ROBO1: variants seen among roughly 807,000 people sequenced by gnomAD.
ROBO1 encodes the protein roundabout homolog 1.
In ROBO1, 149 loss-of-function variants were observed where a neutral mutation model predicts 195.9. The ratio of observed to expected loss-of-function variants is 0.76; its 90% CI spans 0.67 to 0.87. The LOEUF is 0.87. Among genes scored for constraint, ROBO1 ranks in the 40% least tolerant of loss-of-function variants. ROBO1 has a pLI of 0.00. For missense variants in ROBO1, 1,933 were observed against 2,068.3 expected, an observed-to-expected ratio of 0.93 and a Z score of 1.27; for synonymous variants, 816 against 733.2, an observed-to-expected ratio of 1.11 and a Z score of -1.82.
intron 2 of ROBO1, among the ~76,000 whole-genome samples, chr3:79,229,359 C>A (rs2082282521): frequency 1.3e-5 from 2 of 152,054 alleles, no homozygotes; most frequent in Non-Finnish European, 2.9e-5. Context: ...AAGGATAAAA[C>A]TGTACCAATT....
chr3:78,621,352 A>G (rs1704444596), intron 26 of ROBO1, among the ~76,000 whole-genome samples: 2 of 152,216 alleles, frequency 1.3e-5, no homozygotes, highest in South Asian at 4.1e-4. Context: ...TTTTTAGCAC[A>G]AAGGAGACTA....
At position 79,560,558 on chromosome 3, in the gene ROBO1, T is replaced by TATATATATATAC. The variant is rs5850439; in HGVS notation, c.88+29265_88+29266insGTATATATATAT. Among the ~76,000 whole-genome samples, 341 of 129,638 alleles carry TATATATATATAC rather than the reference T, an allele frequency of 2.6e-3. 2 individuals carry two copies. The highest frequency in any genetic ancestry group is 5.3e-3 in the African/African-American group (177 of 33,160). 85.0% of individuals were successfully genotyped at this position (129,638 alleles called of 152,430 possible). On this transcript the variant is annotated intron_variant, in intron 2 of 30. Transcript: ENST00000464233. Reference sequence around the variant, plus strand: ...AATTATATATATATATATATATATATACACATACACATACATAAAAAAAAA... The same window carrying TATATATATATAC: ...AATTATATATATATATATATATATATATATATATATACACACATACACATACATAAAAAAAAA...
intron 4 of ROBO1, among the ~76,000 whole-genome samples, chr3:78,884,901 T>C (rs79890662): frequency 2.8e-4 from 43 of 151,982 alleles, no homozygotes; most frequent in African/African-American, 9.4e-4. Context: ...TGTATTTCTC[T>C]TCTGTATGTT....
intron 3 of ROBO1, among the ~76,000 whole-genome samples, chr3:78,959,902 T>A (rs1311068273): frequency 6.6e-6 from 1 of 152,168 alleles, no homozygotes; most frequent in Non-Finnish European, 1.5e-5. Context: ...GTTGAAAAGG[T>A]ACAACCAAGG....
intron 2 of ROBO1, among the ~76,000 whole-genome samples, chr3:79,239,994 C>G (rs1433491312): frequency 6.6e-6 from 1 of 151,890 alleles, no homozygotes; most frequent in Non-Finnish European, 1.5e-5. Flanking sequence ...GTGGGGTGAC[C>G]GAATCAAACT....
chr3:79,362,409 A>G (rs1199899197), intron 2 of ROBO1, among the ~76,000 whole-genome samples: 1 of 152,164 alleles, frequency 6.6e-6, no homozygotes, highest in Non-Finnish European at 1.5e-5. Flanking sequence ...TTTAAGCTAC[A>G]GAAGAGGAGA....
intron 3 of ROBO1, among the ~76,000 whole-genome samples, chr3:78,971,391 C>T (rs1044876590): frequency 4.6e-5 from 7 of 152,012 alleles, no homozygotes; most frequent in African/African-American, 1.7e-4. Context: ...AAGACCCTGT[C>T]TCAAAAAAAG....
intron 4 of ROBO1, among the ~76,000 whole-genome samples, chr3:78,823,571 C>T (rs2031257272): frequency 6.6e-6 from 1 of 152,174 alleles, no homozygotes; most frequent in South Asian, 2.1e-4. Context: ...GCAATGCAAA[C>T]CTGCAAGAAG....
intron 2 of ROBO1, among the ~76,000 whole-genome samples, chr3:79,365,434 C>G (rs1464951189): frequency 6.6e-6 from 1 of 152,170 alleles, no homozygotes; most frequent in Non-Finnish European, 1.5e-5. Flanking sequence ...GCGTCGGTTG[C>G]TACTTAGTCA....
intron 4 of ROBO1, among the ~76,000 whole-genome samples, chr3:78,890,605 T>C (rs2036834830): frequency 6.6e-6 from 1 of 152,126 alleles, no homozygotes; most frequent in Non-Finnish European, 1.5e-5. Context: ...CAAAAGGATA[T>C]TTTTTTGTCC....
chr3:79,713,501 C>A (rs901555900), intron 1 of ROBO1, among the ~76,000 whole-genome samples: 3 of 151,990 alleles, frequency 2.0e-5, no homozygotes, highest in African/African-American at 4.8e-5. Context: ...AGAGTTTAAG[C>A]CTTCATTGGA....
intron 1 of ROBO1, among the ~76,000 whole-genome samples, chr3:79,754,422 T>G (rs762688665): frequency 3.9e-5 from 6 of 152,272 alleles, no homozygotes; most frequent in Non-Finnish European, 8.8e-5. Context: ...AGATGCCTGT[T>G]GAAGTGAACT....
intron 4 of ROBO1, among the ~76,000 whole-genome samples, chr3:78,857,993 G>T (rs1231116160): frequency 6.6e-6 from 1 of 152,152 alleles, no homozygotes; most frequent in Non-Finnish European, 1.5e-5. Context: ...CAACTGTCAT[G>T]TAGAACACAG....
chr3:78,754,887 G>A (rs372143698), intron 4 of ROBO1, among the ~76,000 whole-genome samples: 3 of 152,214 alleles, frequency 2.0e-5, no homozygotes, highest in East Asian at 3.9e-4. Context: ...TTATCCTCGG[G>A]AAGTGCATTG....
At chr3:79,753,523 T>C (rs748662843) in intron 1 of ROBO1, among the ~76,000 whole-genome samples, 2 of 152,150 alleles carry the variant, frequency 1.3e-5, no homozygotes, top group African/African-American at 4.8e-5. Context: ...CAAAAAATTA[T>C]AAAGGTGCTT....
At chr3:78,901,508 G>A (rs1222111762) in intron 4 of ROBO1, among the ~76,000 whole-genome samples, 1 of 152,226 alleles carries the variant, frequency 6.6e-6, no homozygotes, top group African/African-American at 2.4e-5. Context: ...CTAATTATAG[G>A]TAATTCCTGG....
intron 4 of ROBO1, among the ~76,000 whole-genome samples, chr3:78,915,979 C>T (rs893605409): frequency 1.3e-5 from 2 of 152,096 alleles, no homozygotes; most frequent in Non-Finnish European, 2.9e-5. Context: ...GGGCCAGTCG[C>T]GGTGGCTCAC....
In ROBO1 at chr3:78,635,948, T is replaced by C; in HGVS notation, c.3198A>G (p.Pro1066=). Residue 1066 remains proline (P), a synonymous_variant, in exon 23 of 31, where the codon CCA becomes CCG. Transcript: ENST00000464233. ...TGGCGTAAGGAGTAGGCTGCCCTGA[T>C]GGATTGACAAAACGCCCATCCTTCA... ...PNLKDGRFVN[P]SGQPTPYATT... The C allele has an allele frequency of 6.2e-7, 1 of 1,613,898 alleles. No individual in the cohort carries two copies. Among genetic ancestry groups the C allele is most frequent in the Non-Finnish European group, 8.5e-7 (1 of 1,179,826 alleles).
At chr3:79,622,690 G>A (rs1945046004) in intron 1 of ROBO1, among the ~76,000 whole-genome samples, 1 of 152,210 alleles carries the variant, frequency 6.6e-6, no homozygotes, top group South Asian at 2.1e-4. Context: ...ATCTCCCTGG[G>A]CTTGAGCCCC....
Sources: gnomAD v4.1 joint callset for allele counts (sites outside exome capture counted in the v4.1 genomes callset) on GRCh38, gnomAD v4.1.1 for gene constraint, MANE v1.5 for transcripts, NCBI Gene and HGNC (gene_info 2026-07-23, HGNC 2026-07-21) for gene names.